The following CAMKMT variants were observed in gnomAD, a reference collection of about 807,000 sequenced individuals.
CAMKMT encodes the protein calmodulin-lysine N-methyltransferase, also known as CaM KMT.
Under a neutral mutation model 48.0 loss-of-function variants are expected in CAMKMT, and 53 were observed. The ratio of observed to expected loss-of-function variants is 1.10; its 90% CI spans 0.89 to 1.39. The LOEUF is 1.39. CAMKMT is among the 40% of genes most tolerant of loss of function. The pLI, the probability that CAMKMT is intolerant of heterozygous loss-of-function variation, is 0.00. For synonymous variants in CAMKMT, 165 were observed against 152.3 expected (o/e 1.08, Z -0.61); for missense variants, 428 against 402.7 (o/e 1.06, Z -0.54).
intron 1 of CAMKMT, among the ~76,000 whole-genome samples, chr2:44,365,825 G>A (rs1477148558): frequency 6.6e-6 from 1 of 152,170 alleles, no homozygotes; most frequent in Non-Finnish European, 1.5e-5. Context: ...ACCACCTACC[G>A]AATGAAAAAT....
At chr2:44,759,912 C>T (rs1680544656) in intron 9 of CAMKMT, among the ~76,000 whole-genome samples, 1 of 152,184 alleles carries the variant, frequency 6.6e-6, no homozygotes, top group Admixed American at 6.5e-5. Flanking sequence ...TAAAATACAG[C>T]CCAGTGCTAT....
chr2:44,500,745 A>T (rs1255241269), intron 3 of CAMKMT, among the ~76,000 whole-genome samples: 1 of 150,294 alleles, frequency 6.7e-6, no homozygotes, highest in Non-Finnish European at 1.5e-5. Context: ...GCAGTGGCAC[A>T]ATCTCAGCTC....
chr2:44,420,529 C>T (rs181163674), intron 3 of CAMKMT, among the ~76,000 whole-genome samples: 183 of 151,956 alleles, frequency 1.2e-3, no homozygotes, highest in Non-Finnish European at 1.6e-3. Flanking sequence ...TATATGTGGA[C>T]CTGTGCAGTT....
chr2:44,765,346 G>A (rs969542856), intron 9 of CAMKMT, among the ~76,000 whole-genome samples: 17 of 152,034 alleles, frequency 1.1e-4, no homozygotes, highest in African/African-American at 3.9e-4. Context: ...TCATATGAAT[G>A]CCTAGCACAG....
chr2:44,585,046 C>A (rs1669779925), intron 3 of CAMKMT, among the ~76,000 whole-genome samples: 1 of 150,394 alleles, frequency 6.6e-6, no homozygotes, highest in Non-Finnish European at 1.5e-5. Context: ...CAGAGCGAGA[C>A]TCCGTCTGAA....
chr2:44,385,449 T>A (rs1680694793), intron 2 of CAMKMT, among the ~76,000 whole-genome samples: 3 of 152,096 alleles, frequency 2.0e-5, no homozygotes, highest in Admixed American at 2.0e-4. Flanking sequence ...TGACTTCCTC[T>A]TTACTGATGC....
At chr2:44,389,528 T>A (rs1204209173) in intron 2 of CAMKMT, among the ~76,000 whole-genome samples, 4 of 152,108 alleles carry the variant, frequency 2.6e-5, no homozygotes, top group Non-Finnish European at 5.9e-5. Flanking sequence ...TGGGAGAGAA[T>A]GTAGAGGATT....
rs557445754 is a variant in CAMKMT at position 44,565,542 on chromosome 2, C to A, written c.377-138741C>A. Among the ~76,000 whole-genome samples the A allele has an allele frequency of 2.0e-5, 3 of 152,172 alleles. No homozygotes were observed. The East Asian group carries it at 5.8e-4, about 29-fold the overall frequency. On this transcript the variant is annotated intron_variant, in intron 3 of 10. Transcript: ENST00000378494. ...CTTTACAAAAAGCAAGAAAAAACTT[C>A]AGGAATAAACAGATTCTAAAGCAGT...
intron 3 of CAMKMT, among the ~76,000 whole-genome samples, chr2:44,562,302 G>C (rs1249956575): frequency 6.6e-6 from 1 of 152,070 alleles, no homozygotes; most frequent in Non-Finnish European, 1.5e-5. Flanking sequence ...CACAGTCTCT[G>C]TTTACCCTTC....
At chr2:44,501,958 A>T (rs1449823117) in intron 3 of CAMKMT, among the ~76,000 whole-genome samples, 3 of 152,222 alleles carry the variant, frequency 2.0e-5, no homozygotes, top group Admixed American at 2.0e-4. Flanking sequence ...TGTAAAGGCT[A>T]TGTAAGGCTT....
intron 3 of CAMKMT, among the ~76,000 whole-genome samples, chr2:44,491,971 G>A (rs1221632873): frequency 6.6e-6 from 1 of 152,104 alleles, no homozygotes; most frequent in African/African-American, 2.4e-5. Context: ...CTTAAATCGT[G>A]AATCCAGCTG....
At chr2:44,453,521 A>G (rs530365283) in intron 3 of CAMKMT, among the ~76,000 whole-genome samples, 55 of 152,188 alleles carry the variant, frequency 3.6e-4, no homozygotes, top group Admixed American at 7.9e-4. Context: ...ATGAACAGCT[A>G]TTTTTAAACA....
chr2:44,514,101 CA>C (rs5830791), intron 3 of CAMKMT, among the ~76,000 whole-genome samples: 62,708 of 115,178 alleles, frequency 0.54, 14,290 homozygotes, highest in Middle Eastern at 0.63. Flanking sequence ...GACCCTGTCT[CA>C]AAAAAAAAAA....
At position 44,614,953 on chromosome 2, in the gene CAMKMT, T is replaced by TTTTTTTTTTC. The variant is rs1459090690; in HGVS notation, c.377-89323_377-89322insTTCTTTTTTT. On this transcript the variant is annotated intron_variant, in intron 3 of 10. Transcript: ENST00000378494. ...TCTCCTTGCTTTTTTTTTTTTTTTT[T>TTTTTTTTTTC]TTTTTTTGAGACAGGGTCTTGCTCT... is the stretch of plus-strand genomic sequence containing the variant. Among the ~76,000 whole-genome samples, 11 of 133,468 alleles carry TTTTTTTTTTC rather than the reference T, an allele frequency of 8.2e-5. 2 individuals are homozygous for TTTTTTTTTTC. Among genetic ancestry groups the TTTTTTTTTTC allele is most frequent in the African/African-American group, 3.3e-4 (11 of 33,294 alleles). The allele number at this position is 133,468 out of a possible 152,430, so 87.6% of individuals were successfully genotyped here.
chr2:44,364,274 A>C (rs1360341432), intron 1 of CAMKMT, among the ~76,000 whole-genome samples: 1 of 152,096 alleles, frequency 6.6e-6, no homozygotes, highest in African/African-American at 2.4e-5. Flanking sequence ...TCTGACATCG[A>C]AACTTTTGGT....
At chr2:44,362,382 A>G (rs756930321) in intron 1 of CAMKMT, among the ~76,000 whole-genome samples, 10 of 152,138 alleles carry the variant, frequency 6.6e-5, no homozygotes, top group Non-Finnish European at 1.3e-4. Flanking sequence ...GGAAACTCAG[A>G]TCGAAGTAGA....
intron 3 of CAMKMT, among the ~76,000 whole-genome samples, chr2:44,670,339 G>T (rs1419835303): frequency 1.3e-5 from 2 of 152,106 alleles, no homozygotes; most frequent in African/African-American, 4.8e-5. Flanking sequence ...AATACTTTTG[G>T]AGGCTGAGGC....
chr2:44,502,415 C>A (rs1276843880), intron 3 of CAMKMT, among the ~76,000 whole-genome samples: 1 of 152,122 alleles, frequency 6.6e-6, no homozygotes, highest in African/African-American at 2.4e-5. Context: ...GCCTTCCTTA[C>A]CTCCCATGCC....
intron 3 of CAMKMT, among the ~76,000 whole-genome samples, chr2:44,481,871 G>C (rs527327249): frequency 1.3e-5 from 2 of 152,078 alleles, no homozygotes; most frequent in South Asian, 4.1e-4. Flanking sequence ...GAGATATATA[G>C]TTAAGTTTGA....
Sources: gnomAD v4.1 joint callset for allele counts (sites outside exome capture counted in the v4.1 genomes callset) on GRCh38, gnomAD v4.1.1 for gene constraint, MANE v1.5 for transcripts, NCBI Gene and HGNC (gene_info 2026-07-23, HGNC 2026-07-21) for gene names.